The following SLC35F4 variants were observed in gnomAD, a reference collection of about 807,000 sequenced individuals.
SLC35F4 encodes the protein chromosome 14 open reading frame 36.
Under a neutral mutation model 44.2 loss-of-function variants are expected in SLC35F4, and 24 were observed. The observed-to-expected ratio is 0.54, with a 90% CI of 0.39 to 0.76. The LOEUF is 0.76. SLC35F4 is among the 30% of genes least tolerant of loss of function. The pLI is 0.00. For synonymous variants in SLC35F4, 238 were observed against 223.6 expected (o/e 1.06, Z -0.57); for missense variants, 562 against 586.1 (o/e 0.96, Z 0.42).
At chr14:57,940,634 G>A (rs1018827321) in intron 1 of SLC35F4, among the ~76,000 whole-genome samples, 8 of 152,108 alleles carry the variant, frequency 5.3e-5, no homozygotes, top group African/African-American at 7.2e-5. Flanking sequence ...GAGATAAGGC[G>A]GCAGCCTAAT....
At chr14:57,690,198 C>T (rs545341302) in intron 1 of SLC35F4, among the ~76,000 whole-genome samples, 55 of 152,250 alleles carry the variant, frequency 3.6e-4, no homozygotes, top group African/African-American at 1.3e-3. Context: ...TTTACAAATC[C>T]CCATTATAAG....
intron 1 of SLC35F4, among the ~76,000 whole-genome samples, chr14:57,628,212 A>T (rs971245118): frequency 1.3e-5 from 2 of 148,452 alleles, no homozygotes; most frequent in African/African-American, 5.0e-5. Flanking sequence ...GTACAGAAAA[A>T]AGACATCGCT....
At chr14:57,593,654 G>A (rs982489244) in intron 2 of SLC35F4, among the ~76,000 whole-genome samples, 3 of 152,170 alleles carry the variant, frequency 2.0e-5, no homozygotes, top group African/African-American at 7.2e-5. Flanking sequence ...TTTTGAAGAT[G>A]AGAAAACTAC....
At chr14:57,887,492 A>G (rs1282620031) in intron 1 of SLC35F4, among the ~76,000 whole-genome samples, 6 of 152,174 alleles carry the variant, frequency 3.9e-5, no homozygotes, top group South Asian at 2.1e-4. Context: ...TGCTAAGACT[A>G]AAAACTGAGA....
At chr14:57,752,971 T>G (rs554426965) in intron 1 of SLC35F4, among the ~76,000 whole-genome samples, 1 of 152,296 alleles carries the variant, frequency 6.6e-6, no homozygotes, top group South Asian at 2.1e-4. Context: ...ACCAGGGCTC[T>G]CTCTACTAAC....
Position 57,594,002 on chromosome 14 carries a change from C to G in SLC35F4, c.226G>C (p.Glu76Gln). ...VTEDSSAPIL[E>Q]LQNQGSSGVC... ...CCTGAGGATCCTTGGTTTTGAAGTT[C>G]AAGAATAGGAGCAGAGGAATCTTCG... The change falls in exon 2 of 8, where the codon GAA becomes CAA. Residue 76 changes from glutamate to glutamine, a missense_variant. Coordinates refer to ENST00000556826, the MANE Select transcript of SLC35F4 (RefSeq NM_001306087.2). The G allele has an allele frequency of 1.2e-6, 2 of 1,613,844 alleles. No homozygotes were observed. Among genetic ancestry groups the G allele is most frequent in the Non-Finnish European group, 1.7e-6 (2 of 1,179,862 alleles).
At chr14:57,899,375 A>G (rs1187764436) in intron 1 of SLC35F4, among the ~76,000 whole-genome samples, 1 of 151,598 alleles carries the variant, frequency 6.6e-6, no homozygotes, top group Admixed American at 6.6e-5. Flanking sequence ...ACTGGCTCAT[A>G]ACCAGCAGTA....
chr14:57,655,420 G>A (rs1455296551), intron 1 of SLC35F4, among the ~76,000 whole-genome samples: 4 of 151,970 alleles, frequency 2.6e-5, no homozygotes, highest in East Asian at 1.9e-4. Context: ...TTATACCCAC[G>A]TTGTCTAGGG....
chr14:57,705,679 T>G (rs1201698423), intron 1 of SLC35F4, among the ~76,000 whole-genome samples: 1 of 152,190 alleles, frequency 6.6e-6, no homozygotes, highest in Non-Finnish European at 1.5e-5. Flanking sequence ...GACCAATGGA[T>G]GATGTCACTT....
intron 1 of SLC35F4, among the ~76,000 whole-genome samples, chr14:57,952,627 A>G (rs1437132535): frequency 2.6e-5 from 4 of 151,894 alleles, no homozygotes; most frequent in Non-Finnish European, 5.9e-5. Flanking sequence ...CAGCACAAAA[A>G]CTTCATGAAG....
chr14:57,786,089 G>A (rs1371202549), intron 1 of SLC35F4, among the ~76,000 whole-genome samples: 1 of 152,098 alleles, frequency 6.6e-6, no homozygotes, highest in Admixed American at 6.6e-5. Flanking sequence ...GGCACAGTGG[G>A]AGTGAGACTG....
rs183874965 is a variant in SLC35F4, at chr14:57,649,590, G to A, written c.104-55466C>T. 6.2e-4 allele frequency among the ~76,000 whole-genome samples: 94 copies of A among 152,190 alleles called. 1 individual carries two copies. The highest frequency in any genetic ancestry group is 1.9e-3 in the South Asian group (9 of 4,816). ...TTCTTTTTGCTATGTAAGGTAACAC[G>A]TCCACAGGTTTAGGGGATTCCAATG... is the stretch of plus-strand genomic sequence containing the variant. On this transcript the variant is annotated intron_variant, in intron 1 of 7. Transcript: ENST00000556826.
chr14:57,719,459 A>G (rs1092041), intron 1 of SLC35F4, among the ~76,000 whole-genome samples: 73,615 of 151,948 alleles, frequency 0.48, 18,319 homozygotes, highest in Non-Finnish European at 0.55. Context: ...TGAACATGGA[A>G]TATCTCTCCA....
chr14:57,697,099 ATTT>A (rs1318518091), intron 1 of SLC35F4, among the ~76,000 whole-genome samples: 2 of 152,154 alleles, frequency 1.3e-5, no homozygotes, highest in African/African-American at 4.8e-5. Context: ...TTAAAAATAT[ATTT>A]TATTATGTAA....
intron 1 of SLC35F4, among the ~76,000 whole-genome samples, chr14:57,724,674 G>A (rs1415923759): frequency 6.6e-6 from 1 of 152,174 alleles, no homozygotes; most frequent in African/African-American, 2.4e-5. Context: ...TGCACCAGTG[G>A]CCTCATGGGG....
intron 3 of SLC35F4, among the ~76,000 whole-genome samples, chr14:57,588,537 C>T (rs1234775915): frequency 6.6e-6 from 1 of 152,162 alleles, no homozygotes; most frequent in Non-Finnish European, 1.5e-5. Context: ...CTGAGCTATC[C>T]AAGAGGGGCT....
At chr14:57,945,818 G>A (rs960855235) in intron 1 of SLC35F4, among the ~76,000 whole-genome samples, 2 of 151,938 alleles carry the variant, frequency 1.3e-5, no homozygotes, top group African/African-American at 4.8e-5. Context: ...GACCATTCTT[G>A]CAAGAGTAAG....
chr14:57,930,782 A>C (rs929625670), intron 1 of SLC35F4, among the ~76,000 whole-genome samples: 3 of 152,212 alleles, frequency 2.0e-5, no homozygotes. Context: ...CAGAGGCAGG[A>C]CAATGTGAGA....
At chr14:57,743,185 A>C (rs2076662123) in intron 1 of SLC35F4, among the ~76,000 whole-genome samples, 1 of 152,226 alleles carries the variant, frequency 6.6e-6, no homozygotes, top group African/African-American at 2.4e-5. Context: ...GAGCAAACAC[A>C]TTCCAAAGCT....
Sources: allele counts gnomAD v4.1 joint callset (sites outside exome capture counted in the v4.1 genomes callset), GRCh38; gene constraint gnomAD v4.1.1; transcripts MANE v1.5; gene names NCBI Gene and HGNC (gene_info 2026-07-23, HGNC 2026-07-21).